Variants in CDK6 observed in about 807,000 individuals in gnomAD.
CDK6 encodes cyclin-dependent kinase 6.
A neutral mutation model predicts 37.1 loss-of-function variants in CDK6; 6 were observed. That is an observed-to-expected ratio of 0.16 (90% CI 0.09 to 0.32). The LOEUF (loss-of-function observed/expected upper bound fraction) is 0.32. Among genes scored for constraint, CDK6 ranks in the 10% least tolerant of loss-of-function variants. CDK6 has a pLI of 1.00. For synonymous variants in CDK6, 160 were observed against 161.3 expected, an observed-to-expected ratio of 0.99 and a Z score of 0.06; for missense variants, 224 against 418.9, an observed-to-expected ratio of 0.53 and a Z score of 4.06.
intron 4 of CDK6, among the ~76,000 whole-genome samples, chr7:92,678,247 C>T (rs539607309): frequency 6.6e-6 from 1 of 151,962 alleles, no homozygotes; most frequent in Non-Finnish European, 1.5e-5. Flanking sequence ...TTTAGAAATC[C>T]GTAACAAAAG....
intron 5 of CDK6, among the ~76,000 whole-genome samples, chr7:92,624,744 A>C (rs1379611572): frequency 6.6e-6 from 1 of 152,126 alleles, no homozygotes; most frequent in African/African-American, 2.4e-5. Flanking sequence ...CAAAAAATGG[A>C]ATCTTAACAA....
At chr7:92,774,144 A>C (rs892634295) in intron 3 of CDK6, among the ~76,000 whole-genome samples, 3 of 152,208 alleles carry the variant, frequency 2.0e-5, no homozygotes, top group African/African-American at 7.2e-5. Flanking sequence ...TCATCTTTGA[A>C]TCCCAGGAGT....
At chr7:92,832,969 G>A (rs3731261) in intron 2 of CDK6, 122 bp downstream of exon 2, 17,978 of 680,048 alleles carry the variant, frequency 0.026, 992 homozygotes, top group South Asian at 0.16. Context: ...AAGACCAACA[G>A]GTCGCGCAGG....
chr7:92,780,016 T>C (rs1799947164), intron 2 of CDK6, among the ~76,000 whole-genome samples: 1 of 152,228 alleles, frequency 6.6e-6, no homozygotes, highest in Non-Finnish European at 1.5e-5. Context: ...TCTCACTCTG[T>C]TGTCCAGGCT....
At chr7:92,831,433 C>T (rs1801477622) in intron 2 of CDK6, among the ~76,000 whole-genome samples, 1 of 152,206 alleles carries the variant, frequency 6.6e-6, no homozygotes, top group South Asian at 2.1e-4. Flanking sequence ...AAAACAAGAA[C>T]TTCCGTCTTA....
At chr7:92,673,533 TCTTTCTATCAA>T (rs1797136073) in intron 4 of CDK6, among the ~76,000 whole-genome samples, 1 of 152,132 alleles carries the variant, frequency 6.6e-6, no homozygotes, top group African/African-American at 2.4e-5. Context: ...CCCCAACATA[TCTTTCTATCAA>T]TGCATCACCT....
intron 2 of CDK6, among the ~76,000 whole-genome samples, chr7:92,819,971 T>C (rs1562974851): frequency 6.6e-6 from 1 of 151,722 alleles, no homozygotes; most frequent in Non-Finnish European, 1.5e-5. Context: ...GAACAAATGA[T>C]GAAGAAGCAG....
At chr7:92,780,674 TG>T (rs2115812814) in intron 2 of CDK6, among the ~76,000 whole-genome samples, 1 of 148,222 alleles carries the variant, frequency 6.7e-6, no homozygotes, top group African/African-American at 2.5e-5. Flanking sequence ...GGCAGGAGAA[TG>T]GCGTGAACCT....
intron 3 of CDK6, among the ~76,000 whole-genome samples, chr7:92,757,009 A>G (rs1799334551): frequency 6.6e-6 from 1 of 152,242 alleles, no homozygotes; most frequent in Non-Finnish European, 1.5e-5. Context: ...GGAAGAAGTC[A>G]TGGAATTGGA....
rs762417204 is a variant in CDK6, at chr7:92,633,937, T to C, written c.648-10851A>G. On this transcript the variant is annotated intron_variant, in intron 5 of 7. Transcript: ENST00000424848. ...CCAATTAATTTTAAGAGCTCTTTTA[T>C]TCATTAAGGATATTACACCTTTGTC... Among the ~76,000 whole-genome samples, 17 of 152,272 alleles carry C rather than the reference T, an allele frequency of 1.1e-4. No individual in the cohort carries two copies. The Middle Eastern group carries it at 0.014, about 122-fold the overall frequency.
rs1241689771 is a variant in CDK6 at position 92,745,237 on chromosome 7, TA to T, written c.370-19445del. Among the ~76,000 whole-genome samples, 4 of 152,206 alleles carry T rather than the reference TA, an allele frequency of 2.6e-5. No homozygotes were observed. The East Asian group carries it at 7.7e-4, about 29-fold the overall frequency. ...TTATCTATCATTCTTGAACATACAT[TA>T]AAAATTAAATTTGAAATGAAATAAT... On this transcript the variant is annotated intron_variant, in intron 3 of 7. Transcript: ENST00000424848.
chr7:92,652,225 C>A lies in CDK6; in HGVS notation c.647+19201G>T, dbSNP rs556952889. The stretch of plus-strand genomic sequence containing the variant: ...ATGATATCAGAAGGAACACATCACC[C>A]ACCTGAGAGTTTAACCCTATTTGCC... On this transcript the variant is annotated intron_variant, in intron 5 of 7. Transcript: ENST00000424848. 1.6e-4 allele frequency among the ~76,000 whole-genome samples: 24 copies of A among 152,312 alleles called. No homozygotes were observed. In the South Asian group the frequency reaches 4.1e-3, roughly 26 times the overall value.
At chr7:92,779,189 A>G (rs906051631) in intron 2 of CDK6, among the ~76,000 whole-genome samples, 15 of 152,090 alleles carry the variant, frequency 9.9e-5, no homozygotes, top group Non-Finnish European at 1.6e-4. Context: ...CTTTCCTCAG[A>G]GTTATACTGC....
chr7:92,784,948 C>T (rs544999340), intron 2 of CDK6, among the ~76,000 whole-genome samples: 9 of 152,206 alleles, frequency 5.9e-5, no homozygotes, highest in African/African-American at 1.2e-4. Context: ...TGCTGTTAAA[C>T]GAAGACTCAA....
intron 6 of CDK6, 52 bp downstream of exon 6, chr7:92,622,984 G>A (rs2116494501): frequency 8.8e-7 from 1 of 1,130,692 alleles, no homozygotes; most frequent in South Asian, 1.3e-5. Context: ...GAAAGTCACT[G>A]TAAATGTTTT....
chr7:92,740,608 C>T (rs574054444), intron 3 of CDK6, among the ~76,000 whole-genome samples: 14 of 152,282 alleles, frequency 9.2e-5, no homozygotes, highest in Admixed American at 6.5e-4. Flanking sequence ...AGGCATTTTA[C>T]ATACATTATT....
intron 3 of CDK6, among the ~76,000 whole-genome samples, chr7:92,752,791 G>GT (rs923964418): frequency 3.7e-4 from 56 of 151,922 alleles, no homozygotes; most frequent in Middle Eastern, 3.4e-3. Context: ...TCAAGCCAAT[G>GT]TTTTTTTTGT....
chr7:92,756,776 T>A (rs1799329158), intron 3 of CDK6, among the ~76,000 whole-genome samples: 1 of 152,102 alleles, frequency 6.6e-6, no homozygotes, highest in East Asian at 1.9e-4. Context: ...CAATAACAAA[T>A]GGGATTAACA....
chr7:92,747,013 C>T (rs1159157098), intron 3 of CDK6, among the ~76,000 whole-genome samples: 1 of 152,118 alleles, frequency 6.6e-6, no homozygotes, highest in Admixed American at 6.5e-5. Flanking sequence ...TGTGGCACCT[C>T]TCCTAGATTC....
Sources: allele counts gnomAD v4.1 joint callset (sites outside exome capture counted in the v4.1 genomes callset), GRCh38; gene constraint gnomAD v4.1.1; transcripts MANE v1.5; gene names NCBI Gene and HGNC (gene_info 2026-07-23, HGNC 2026-07-21).